Variants in BCKDHB observed in about 807,000 individuals in gnomAD.
BCKDHB encodes the protein 2-oxoisovalerate dehydrogenase subunit beta, mitochondrial.
BCKDHB carries 41 observed loss-of-function variants against 48.5 expected under a neutral mutation model. That is an observed-to-expected ratio of 0.85 (90% CI 0.66 to 1.10). The LOEUF (loss-of-function observed/expected upper bound fraction) is 1.10, where lower values mean the gene tolerates loss of function less well. Ranked by LOEUF, BCKDHB falls within the 50% of genes least tolerant of loss-of-function variation. The pLI, the probability that BCKDHB is intolerant of heterozygous loss-of-function variation, is 0.00. For synonymous variants in BCKDHB, 201 were observed against 174.8 expected (o/e 1.15, Z -1.18); for missense variants, 496 against 494.2 (o/e 1.00, Z -0.03).
chr6:80,336,376 G>T (rs1883974), intron 9 of BCKDHB, among the ~76,000 whole-genome samples: 117,415 of 151,328 alleles, frequency 0.78, 45,915 homozygotes, highest in Admixed American at 0.84. Flanking sequence ...ATAACATTTC[G>T]TTCTAACTTC....
intron 9 of BCKDHB, among the ~76,000 whole-genome samples, chr6:80,278,884 A>T (rs1778079085): frequency 6.6e-6 from 1 of 152,098 alleles, no homozygotes; most frequent in South Asian, 2.1e-4. Flanking sequence ...GAAACCTTCA[A>T]ATTTGAAACT....
intron 8 of BCKDHB, among the ~76,000 whole-genome samples, chr6:80,213,292 C>A (rs1482991121): frequency 6.6e-6 from 1 of 151,962 alleles, no homozygotes; most frequent in African/African-American, 2.4e-5. Context: ...TAATGGTTGT[C>A]TATGTTTCAT....
chr6:80,424,923 G>T, the BCKDHB span, among the ~76,000 whole-genome samples: 1 of 152,216 alleles, frequency 6.6e-6, no homozygotes, highest in Admixed American at 6.5e-5. Flanking sequence ...AGGAAAGCTT[G>T]TCATAGTCTT....
rs868634436 is a variant in BCKDHB, at chr6:80,178,242, C to T, written c.742+6852C>T. 1.2e-4 allele frequency among the ~76,000 whole-genome samples: 18 copies of T among 152,318 alleles called. No homozygotes were observed. In the South Asian group the frequency reaches 1.4e-3, roughly 12 times the overall value. On this transcript the variant is annotated intron_variant, in intron 6 of 9. Coordinates refer to ENST00000320393, the MANE Select transcript of BCKDHB (RefSeq NM_183050.4). ...TGGGAGACTGGGGCTCCAAATTACT[C>T]TTACTCCTTTAATCTTCCTTTGATT...
the BCKDHB span, among the ~76,000 whole-genome samples, chr6:80,405,735 A>G: frequency 6.6e-6 from 1 of 152,152 alleles, no homozygotes; most frequent in Non-Finnish European, 1.5e-5. Flanking sequence ...AAGTTTACAT[A>G]AAACATCTAT....
At chr6:80,409,925 T>G in the BCKDHB span, among the ~76,000 whole-genome samples, 395 of 152,154 alleles carry the variant, frequency 2.6e-3, 4 homozygotes, top group African/African-American at 9.0e-3. Flanking sequence ...CCATTTACAT[T>G]TAATCCTATG....
In BCKDHB at chr6:80,138,919, A is replaced by G. The variant is rs1281236495; in HGVS notation, c.343+9690A>G. On this transcript the variant is annotated intron_variant, in intron 3 of 9. Coordinates refer to ENST00000320393, the MANE Select transcript of BCKDHB (RefSeq NM_183050.4). ...GTTGAACTAGTTTATAGTCCCAGCA[A>G]CAGTGTAAAAGTGTTCCTATTTCTC... Among the ~76,000 whole-genome samples the G allele has an allele frequency of 3.3e-5, 5 of 152,342 alleles. No homozygotes were observed. In the South Asian group the frequency reaches 6.2e-4, roughly 19 times the overall value.
At chr6:80,411,416 G>T in the BCKDHB span, among the ~76,000 whole-genome samples, 3 of 152,222 alleles carry the variant, frequency 2.0e-5, no homozygotes, top group African/African-American at 7.2e-5. Flanking sequence ...GCTACATGGG[G>T]TCAGGGACCC....
chr6:80,374,481 C>T, the BCKDHB span: 11 of 750,896 alleles, frequency 1.5e-5, no homozygotes, highest in East Asian at 5.0e-5. Flanking sequence ...GGCAGTTTCA[C>T]GAGTGTTCTT....
At chr6:80,417,280 TG>T in the BCKDHB span, among the ~76,000 whole-genome samples, 1 of 152,196 alleles carries the variant, frequency 6.6e-6, no homozygotes, top group African/African-American at 2.4e-5. Flanking sequence ...ATTATATCAG[TG>T]GGTCTTGGTT....
chr6:80,434,112 T>C, the BCKDHB span, among the ~76,000 whole-genome samples: 1 of 151,564 alleles, frequency 6.6e-6, no homozygotes, highest in South Asian at 2.1e-4. Flanking sequence ...ATGTGTCAAC[T>C]GTTTTGGGTT....
intron 8 of BCKDHB, among the ~76,000 whole-genome samples, chr6:80,236,580 A>G (rs1776155855): frequency 2.0e-5 from 3 of 152,228 alleles, no homozygotes; most frequent in African/African-American, 7.2e-5. Context: ...TTTAACATAT[A>G]TTTACTCATT....
intron 3 of BCKDHB, among the ~76,000 whole-genome samples, chr6:80,134,954 G>A (rs1770811066): frequency 1.3e-5 from 2 of 152,148 alleles, no homozygotes; most frequent in African/African-American, 4.8e-5. Context: ...GTTTCATCAT[G>A]TTGGCCAGGC....
At chr6:80,186,528 C>A (rs1200326819) in intron 6 of BCKDHB, among the ~76,000 whole-genome samples, 1 of 152,212 alleles carries the variant, frequency 6.6e-6, no homozygotes, top group Non-Finnish European at 1.5e-5. Flanking sequence ...AGGCCTTGCC[C>A]TTTTCCGTCT....
chr6:80,172,951 A>G (rs998729912), intron 6 of BCKDHB, among the ~76,000 whole-genome samples: 7 of 152,170 alleles, frequency 4.6e-5, no homozygotes, highest in African/African-American at 1.4e-4. Flanking sequence ...GAAAATATCA[A>G]TGATATATTG....
Position 80,343,814 on chromosome 6 carries a change from T to A in BCKDHB, c.*10T>A. The A allele has an allele frequency of 6.2e-7, 1 of 1,613,720 alleles. No homozygotes were observed. The highest frequency in any genetic ancestry group is 8.5e-7 in the Non-Finnish European group (1 of 1,179,786). ...AATGATCAACTATTGACCATATAGG[T>A]AGGTATGCATCTTGAGAAAGCTACT... is the stretch of plus-strand genomic sequence containing the variant. On this transcript the variant is annotated 3_prime_UTR_variant, in exon 10 of 10. Coordinates refer to ENST00000320393, the MANE Select transcript of BCKDHB (RefSeq NM_183050.4).
the BCKDHB span, among the ~76,000 whole-genome samples, chr6:80,442,886 G>A: frequency 6.6e-6 from 1 of 152,168 alleles, no homozygotes; most frequent in East Asian, 1.9e-4. Context: ...GCAGAAGAAG[G>A]TGCATCTCAG....
chr6:80,327,904 C>T (rs114941802), intron 9 of BCKDHB, among the ~76,000 whole-genome samples: 5,000 of 107,470 alleles, frequency 0.047, 312 homozygotes, highest in African/African-American at 0.16. Flanking sequence ...CTCCCCTTTT[C>T]TCCCCTCCCT....
At chr6:80,145,823 A>G (rs774764290) in intron 3 of BCKDHB, among the ~76,000 whole-genome samples, 2 of 152,144 alleles carry the variant, frequency 1.3e-5, no homozygotes, top group Non-Finnish European at 2.9e-5. Flanking sequence ...GAAGTATAAT[A>G]AACACCACCA....
Sources: gnomAD v4.1 joint callset for allele counts (sites outside exome capture counted in the v4.1 genomes callset) on GRCh38, gnomAD v4.1.1 for gene constraint, MANE v1.5 for transcripts, NCBI Gene and HGNC (gene_info 2026-07-23, HGNC 2026-07-21) for gene names.